The following FGD4 variants were observed in gnomAD, a reference collection of about 807,000 sequenced individuals.
FGD4 encodes FYVE, RhoGEF and PH domain-containing protein 4.
Under a neutral mutation model 102.0 loss-of-function variants are expected in FGD4, and 42 were observed. The observed-to-expected ratio is 0.41, with a 90% CI of 0.32 to 0.53. The LOEUF is 0.53. Among genes scored for constraint, FGD4 ranks in the 20% least tolerant of loss-of-function variants. The pLI is 0.21. For missense variants in FGD4, 902 were observed against 1,078.2 expected (o/e 0.84, Z 2.29); for synonymous variants, 380 against 375.7 (o/e 1.01, Z -0.13).
intron 1 of FGD4, among the ~76,000 whole-genome samples, chr12:32,527,124 C>A (rs1037859608): frequency 6.6e-6 from 1 of 152,144 alleles, no homozygotes; most frequent in Non-Finnish European, 1.5e-5. Context: ...AAGTCCATAT[C>A]TGGTAGTCTA....
intron 1 of FGD4, among the ~76,000 whole-genome samples, chr12:32,474,587 A>C (rs772923935): frequency 1.3e-5 from 2 of 152,138 alleles, no homozygotes; most frequent in Non-Finnish European, 2.9e-5. Context: ...GAGGGCTGGA[A>C]TGGGGGAAGG....
At chr12:32,527,810 TAGATAA>T (rs1941411007) in intron 1 of FGD4, among the ~76,000 whole-genome samples, 1 of 152,150 alleles carries the variant, frequency 6.6e-6, no homozygotes, top group Non-Finnish European at 1.5e-5. Context: ...GAAATCCTTA[TAGATAA>T]GATCAGAGAG....
chr12:32,563,742 C>T (rs1180247566), intron 1 of FGD4, among the ~76,000 whole-genome samples: 1 of 152,198 alleles, frequency 6.6e-6, no homozygotes, highest in Admixed American at 6.5e-5. Context: ...ACTCCATCTG[C>T]AATCCCGGCA....
At chr12:32,494,361 A>G (rs941910797) in intron 1 of FGD4, among the ~76,000 whole-genome samples, 1 of 152,148 alleles carries the variant, frequency 6.6e-6, no homozygotes, top group African/African-American at 2.4e-5. Context: ...ACAGCTGTTC[A>G]ATGGACCAAT....
At chr12:32,568,430 CCAGCATAAGTCT>C (rs1347275934) in intron 2 of FGD4, among the ~76,000 whole-genome samples, 1 of 152,222 alleles carries the variant, frequency 6.6e-6, no homozygotes, top group Non-Finnish European at 1.5e-5. Context: ...TGAGCAACCT[CCAGCATAAGTCT>C]TTCTTCTTGT....
intron 1 of FGD4, among the ~76,000 whole-genome samples, chr12:32,433,865 A>AT (rs1287963127): frequency 2.7e-5 from 4 of 150,484 alleles, no homozygotes; most frequent in African/African-American, 7.3e-5. Context: ...ATTTATTATT[A>AT]TTATTTTTTG....
At chr12:32,574,757 GCTAA>G (rs1261704979) in intron 2 of FGD4, 1 of 152,116 alleles carries the variant, frequency 6.6e-6, no homozygotes, top group African/African-American at 2.4e-5. Flanking sequence ...CCAACTGTCA[GCTAA>G]CTGAGTTTAT....
chr12:32,633,022 C>CT (rs140696759), intron 14 of FGD4, among the ~76,000 whole-genome samples: 30,394 of 151,832 alleles, frequency 0.2, 3,726 homozygotes, highest in African/African-American at 0.34. Flanking sequence ...GACTTGGGTG[C>CT]TTATAAGGAA....
chr12:32,591,784 C>T (rs978654945), intron 4 of FGD4, among the ~76,000 whole-genome samples: 1 of 152,182 alleles, frequency 6.6e-6, no homozygotes, highest in Non-Finnish European at 1.5e-5. Context: ...ATTCATGAAG[C>T]AGTGGGCTAC....
intron 1 of FGD4, among the ~76,000 whole-genome samples, chr12:32,510,699 A>C (rs1183684253): frequency 2.0e-5 from 3 of 152,220 alleles, no homozygotes; most frequent in East Asian, 1.9e-4. Flanking sequence ...ACTGTTTTAC[A>C]CATGGAATGT....
At chr12:32,516,590 C>T (rs1480892793) in intron 1 of FGD4, among the ~76,000 whole-genome samples, 3 of 152,184 alleles carry the variant, frequency 2.0e-5, no homozygotes, top group Non-Finnish European at 4.4e-5. Context: ...TATATGCTTA[C>T]ATTGATGCAT....
intron 1 of FGD4, among the ~76,000 whole-genome samples, chr12:32,476,348 A>G (rs1489861247): frequency 2.0e-5 from 3 of 152,156 alleles, no homozygotes; most frequent in Admixed American, 2.0e-4. Context: ...TTTCTCACGC[A>G]TGGTCTTGCA....
chr12:32,435,810 T>C (rs944323817), intron 1 of FGD4, among the ~76,000 whole-genome samples: 1 of 152,220 alleles, frequency 6.6e-6, no homozygotes, highest in Non-Finnish European at 1.5e-5. Flanking sequence ...GTAATTCTAC[T>C]TACTGCTTTA....
chr12:32,616,978 C>T (rs2136842354), intron 10 of FGD4, among the ~76,000 whole-genome samples: 1 of 148,130 alleles, frequency 6.8e-6, no homozygotes, highest in South Asian at 2.1e-4. Context: ...GCAGGCATCA[C>T]ATGGTGAGAG....
chr12:32,405,636 C>T (rs1940902294), intron 1 of FGD4, among the ~76,000 whole-genome samples: 1 of 152,074 alleles, frequency 6.6e-6, no homozygotes, highest in South Asian at 2.1e-4. Context: ...TCCACAGTCA[C>T]CTGCTTGCTT....
At chr12:32,585,298 G>A (rs934512210) in intron 4 of FGD4, among the ~76,000 whole-genome samples, 1 of 146,500 alleles carries the variant, frequency 6.8e-6, no homozygotes, top group Non-Finnish European at 1.5e-5. Context: ...ACTTAGAACT[G>A]AACGGTGAAC....
chr12:32,590,853 A>T (rs1425043226), intron 4 of FGD4, among the ~76,000 whole-genome samples: 1 of 152,184 alleles, frequency 6.6e-6, no homozygotes, highest in Middle Eastern at 3.2e-3. Context: ...CCTTAGTTTC[A>T]TGATAAAGAA....
intron 8 of FGD4, among the ~76,000 whole-genome samples, chr12:32,608,486 T>G (rs1157371391): frequency 2.6e-5 from 4 of 152,264 alleles, no homozygotes; most frequent in African/African-American, 9.6e-5. Context: ...ACATTCACTA[T>G]GTAAAAATAA....
intron 1 of FGD4, among the ~76,000 whole-genome samples, chr12:32,411,085 C>T (rs1484542478): frequency 6.6e-6 from 1 of 151,316 alleles, no homozygotes; most frequent in African/African-American, 2.4e-5. Flanking sequence ...CGCGCCACCA[C>T]GCCCGGCTAA....
Sources: gnomAD v4.1 joint callset for allele counts (sites outside exome capture counted in the v4.1 genomes callset) on GRCh38, gnomAD v4.1.1 for gene constraint, MANE v1.5 for transcripts, NCBI Gene and HGNC (gene_info 2026-07-23, HGNC 2026-07-21) for gene names.